The following KDM1A variants were observed in gnomAD, a reference collection of about 807,000 sequenced individuals.
KDM1A encodes lysine demethylase 1A, also known as lysine-specific histone demethylase 1A.
Under a neutral mutation model 109.4 loss-of-function variants are expected in KDM1A, and 49 were observed. The observed-to-expected ratio is 0.45, with a 90% CI of 0.36 to 0.57. KDM1A has a LOEUF of 0.57. KDM1A is among the 20% of genes least tolerant of loss of function. The probability of loss-of-function intolerance (pLI) is 0.00; values close to 1 mark genes in which losing one functional copy is unlikely to be tolerated. For synonymous variants in KDM1A, 380 were observed against 415.4 expected, an observed-to-expected ratio of 0.91 and a Z score of 1.04; for missense variants, 668 against 1,116.6, an observed-to-expected ratio of 0.60 and a Z score of 5.73.
At position 23,074,587 on chromosome 1, in the gene KDM1A, T is replaced by C. The variant is rs190760074; in HGVS notation, c.1734+1184T>C. On this transcript the variant is annotated intron_variant, in intron 15 of 20. Coordinates refer to ENST00000400181, the MANE Select transcript of KDM1A (RefSeq NM_001009999.3). ...CATTCCTATTTATAAAATTTTTCTT[T>C]TAAACCATGTTCTTTTTCTATCTTG... Among the ~76,000 whole-genome samples the C allele has an allele frequency of 5.9e-3, 898 of 152,266 alleles. 3 individuals are homozygous for C. The highest frequency in any genetic ancestry group is 0.017 in the Middle Eastern group (5 of 294).
chr1:23,033,927 T>G (rs549563596), intron 2 of KDM1A, among the ~76,000 whole-genome samples: 155 of 152,332 alleles, frequency 1.0e-3, no homozygotes, highest in Middle Eastern at 3.4e-3. Context: ...AAGCTGAGAT[T>G]GGAGAGATAA....
At position 23,019,602 on chromosome 1, in the gene KDM1A, A is replaced by G. The variant is rs1250710054; in HGVS notation, c.6A>G (p.Leu2=). 1.4e-6 allele frequency: 2 copies of G among 1,426,360 alleles called. No individual in the cohort carries two copies. Among genetic ancestry groups the G allele is most frequent in the South Asian group, 3.1e-5 (2 of 65,560 alleles). The allele number at this position is 1,426,360 out of a possible 1,614,324, so 88.4% of individuals were successfully genotyped here. M[L]SGKKAAAAAA... Reference sequence around the variant, plus strand: ...CGGCGGCCCGGCGGCCCGAGATGTTATCTGGGAAGAAGGCGGCAGCCGCGG... The same window carrying G: ...CGGCGGCCCGGCGGCCCGAGATGTTGTCTGGGAAGAAGGCGGCAGCCGCGG... The change falls in exon 1 of 21, where the codon TTA becomes TTG. Residue 2 remains leucine, a synonymous_variant. Transcript: ENST00000400181.
intron 1 of KDM1A, among the ~76,000 whole-genome samples, chr1:23,024,106 C>T (rs574675741): frequency 6.6e-6 from 1 of 152,300 alleles, no homozygotes; most frequent in East Asian, 1.9e-4. Context: ...GCCTCAGCCT[C>T]CCAAAGGGCT....
chr1:23,061,714 T>G (rs1352325871), intron 9 of KDM1A, among the ~76,000 whole-genome samples: 2 of 151,286 alleles, frequency 1.3e-5, no homozygotes, highest in African/African-American at 4.9e-5. Context: ...TGGAGTGCAG[T>G]GGCACAATCT....
intron 19 of KDM1A, 98 bp from the exon 20 acceptor site, chr1:23,082,122 T>G: frequency 7.5e-7 from 1 of 1,325,948 alleles, no homozygotes; most frequent in Non-Finnish European, 1.0e-6. Context: ...CCTCTTTCTC[T>G]TCACTTGCAT....
At chr1:23,076,912 C>T (rs1643481175) in intron 15 of KDM1A, among the ~76,000 whole-genome samples, 1 of 151,558 alleles carries the variant, frequency 6.6e-6, no homozygotes, top group Non-Finnish European at 1.5e-5. Context: ...TTGCAATGAG[C>T]CGAGAGCACG....
chr1:23,042,985 G>C (rs2124425655), intron 2 of KDM1A, among the ~76,000 whole-genome samples: 1 of 151,242 alleles, frequency 6.6e-6, no homozygotes, highest in Admixed American at 6.6e-5. Flanking sequence ...CTGACCTCAA[G>C]TGATCTGCCT....
rs150720388 is a variant in KDM1A at position 23,048,084 on chromosome 1, G to A, written c.578-2303G>A. Among the ~76,000 whole-genome samples the A allele has an allele frequency of 2.7e-3, 407 of 152,206 alleles. 4 individuals carry two copies. The highest frequency in any genetic ancestry group is 9.1e-3 in the African/African-American group (377 of 41,542). ...GGAAGAAAACTACCATTTTTGGCAG[G>A]GAGAAGTGGAATTTAATAGAAATCA... On this transcript the variant is annotated intron_variant, in intron 3 of 20. Transcript: ENST00000400181.
At chr1:23,044,206 C>T (rs1189782575) in intron 2 of KDM1A, 1 of 474,268 alleles carries the variant, frequency 2.1e-6, no homozygotes, top group Non-Finnish European at 3.9e-6. Context: ...GTTCCACTGC[C>T]TTTCAACAAG....
chr1:23,036,972 C>T (rs1317309155), intron 2 of KDM1A, among the ~76,000 whole-genome samples: 2 of 152,048 alleles, frequency 1.3e-5, no homozygotes, highest in Non-Finnish European at 2.9e-5. Context: ...AGAGTACATC[C>T]ACCTGCAAAG....
chr1:23,077,161 C>T lies in KDM1A; in HGVS notation c.1735-67C>T, dbSNP rs74062856. ...AGCTTGTGTTTTCATTGTTGTTGTA[C>T]AGAACTAGGTGCAAATGACACAGAT... On this transcript the variant is annotated intron_variant, in intron 15 of 20. Coordinates refer to ENST00000400181, the MANE Select transcript of KDM1A (RefSeq NM_001009999.3). 2.8e-3 allele frequency: 4,039 copies of T among 1,462,570 alleles called. 96 individuals are homozygous for T. The African/African-American group carries it at 0.047, about 17-fold the overall frequency. 90.6% of individuals were successfully genotyped at this position (1,462,570 alleles called of 1,614,324 possible). A position where few individuals can be genotyped will look rare whatever the true frequency, so the allele number is the denominator to read the frequency against.
chr1:23,051,543 T>C (rs940391321), intron 4 of KDM1A, among the ~76,000 whole-genome samples: 1 of 152,228 alleles, frequency 6.6e-6, no homozygotes, highest in African/African-American at 2.4e-5. Flanking sequence ...TCTCAGTTCT[T>C]TTTCATTTCT....
chr1:23,043,703 GTTAC>G (rs1642420671), intron 2 of KDM1A, among the ~76,000 whole-genome samples: 1 of 152,206 alleles, frequency 6.6e-6, no homozygotes, highest in Non-Finnish European at 1.5e-5. Flanking sequence ...TTTTCTTGAA[GTTAC>G]TTCTACATAT....
intron 15 of KDM1A, among the ~76,000 whole-genome samples, chr1:23,075,403 T>C (rs570255592): frequency 6.6e-6 from 1 of 151,126 alleles, no homozygotes; most frequent in Non-Finnish European, 1.5e-5. Context: ...TGGCCCTGTC[T>C]CTACTAAAAA....
Position 23,055,073 on chromosome 1 carries a change from T to A in KDM1A, c.795T>A (p.Asp265Glu). The A allele has an allele frequency of 6.3e-7, 1 of 1,599,906 alleles. No homozygotes were observed. Among genetic ancestry groups the A allele is most frequent in the South Asian group, 1.1e-5 (1 of 89,780 alleles). ...LQQLEAPYNS[D>E]TVLVHRVHSY... is the part of the protein sequence containing the mutation. Reference sequence around the variant, plus strand: ...TTTAATCCACTTATTCTGTAGGTGATACTGTGCTTGTCCACCGAGTTCACA... The same window carrying A: ...TTTAATCCACTTATTCTGTAGGTGAAACTGTGCTTGTCCACCGAGTTCACA... The change falls in exon 6 of 21, where the codon GAT becomes GAA. Residue 265 changes from aspartate to glutamate, a missense_variant. Physicochemically the swap from Asp to Glu is conservative, Grantham distance 45. Coordinates refer to ENST00000400181, the MANE Select transcript of KDM1A (RefSeq NM_001009999.3).
intron 16 of KDM1A, among the ~76,000 whole-genome samples, chr1:23,078,666 G>T (rs575777945): frequency 1.4e-4 from 22 of 152,116 alleles, no homozygotes; most frequent in Non-Finnish European, 2.8e-4. Flanking sequence ...TTTATTTTTG[G>T]TCTAAATGTA....
At chr1:23,073,262 A>G in intron 14 of KDM1A, 30 bp from the exon 15 acceptor site, 1 of 1,161,438 alleles carries the variant, frequency 8.6e-7, no homozygotes, top group Non-Finnish European at 1.3e-6. Context: ...ATATCTTTTA[A>G]TAATCCTGTA....
intron 9 of KDM1A, among the ~76,000 whole-genome samples, chr1:23,060,749 A>G (rs915344301): frequency 2.0e-5 from 3 of 152,166 alleles, no homozygotes; most frequent in African/African-American, 4.8e-5. Context: ...GGGTGGGGCC[A>G]TGTGGTGGTG....
chr1:23,040,987 C>G (rs1642310416), intron 2 of KDM1A, among the ~76,000 whole-genome samples: 1 of 152,126 alleles, frequency 6.6e-6, no homozygotes, highest in Non-Finnish European at 1.5e-5. Context: ...GCGCTACTTG[C>G]CTGCTGTTAA....
Sources: gnomAD v4.1 joint callset for allele counts (sites outside exome capture counted in the v4.1 genomes callset) on GRCh38, gnomAD v4.1.1 for gene constraint, MANE v1.5 for transcripts, NCBI Gene and HGNC (gene_info 2026-07-23, HGNC 2026-07-21) for gene names.